KHDRBS2: variants seen among roughly 807,000 people sequenced by gnomAD.
KHDRBS2 encodes KH RNA binding domain containing, signal transduction associated 2.
KHDRBS2 carries 26 observed loss-of-function variants against 44.3 expected under a neutral mutation model. The ratio of observed to expected loss-of-function variants is 0.59; its 90% confidence interval spans 0.43 to 0.81. KHDRBS2 has a LOEUF of 0.81. Among genes scored for constraint, KHDRBS2 ranks in the 40% least tolerant of loss-of-function variants. The pLI is 0.00. For synonymous variants in KHDRBS2, 194 were observed against 151.1 expected (o/e 1.28, Z -2.08); for missense variants, 476 against 433.1 (o/e 1.10, Z -0.88).
chr6:62,143,627 A>G (rs1813314993), intron 2 of KHDRBS2, among the ~76,000 whole-genome samples: 1 of 151,848 alleles, frequency 6.6e-6, no homozygotes, highest in Non-Finnish European at 1.5e-5. Flanking sequence ...ACTTTCTTCT[A>G]TAGGACGTGA....
chr6:61,931,104 C>T (rs963553300), intron 4 of KHDRBS2, among the ~76,000 whole-genome samples: 1 of 151,692 alleles, frequency 6.6e-6, no homozygotes, highest in South Asian at 2.1e-4. Context: ...TTATATTCAT[C>T]CTTATAATGA....
intron 3 of KHDRBS2, among the ~76,000 whole-genome samples, chr6:62,046,589 A>G (rs180914231): frequency 4.6e-5 from 7 of 152,066 alleles, no homozygotes; most frequent in African/African-American, 1.4e-4. Flanking sequence ...AACAAAAACA[A>G]TATTAAAGAA....
chr6:61,549,779 G>T, the KHDRBS2 span, among the ~76,000 whole-genome samples: 5 of 152,146 alleles, frequency 3.3e-5, no homozygotes, highest in East Asian at 9.7e-4. Context: ...CACAAAAATT[G>T]GGATAGTTTT....
At chr6:61,637,658 A>C in the KHDRBS2 span, among the ~76,000 whole-genome samples, 1 of 152,108 alleles carries the variant, frequency 6.6e-6, no homozygotes, top group Non-Finnish European at 1.5e-5. Context: ...CAACAGTGTA[A>C]AAGTGTTCCT....
At chr6:61,785,579 T>TA (rs1313761969) in intron 6 of KHDRBS2, among the ~76,000 whole-genome samples, 1 of 152,046 alleles carries the variant, frequency 6.6e-6, no homozygotes, top group African/African-American at 2.4e-5. Flanking sequence ...TAAAAATTGT[T>TA]AAAAAATAAC....
chr6:61,720,014 T>C (rs531704648), intron 7 of KHDRBS2, among the ~76,000 whole-genome samples: 2 of 151,950 alleles, frequency 1.3e-5, no homozygotes, highest in East Asian at 3.9e-4. Flanking sequence ...CACCTATGAG[T>C]GAGAATATGC....
At chr6:61,912,631 T>C (rs1488525884) in intron 4 of KHDRBS2, among the ~76,000 whole-genome samples, 1 of 152,150 alleles carries the variant, frequency 6.6e-6, no homozygotes, top group Non-Finnish European at 1.5e-5. Context: ...AAGGGTGATG[T>C]GACATCTCTC....
intron 2 of KHDRBS2, among the ~76,000 whole-genome samples, chr6:62,062,375 G>C (rs999331685): frequency 2.3e-4 from 33 of 142,886 alleles, no homozygotes; most frequent in Non-Finnish European, 4.5e-4. Flanking sequence ...CACATACTTG[G>C]AAGTAAAGCT....
chr6:61,681,165 A>C, intron 8 of KHDRBS2, 105 bp from the exon 9 acceptor site: 15 of 742,256 alleles, frequency 2.0e-5, no homozygotes, highest in East Asian at 2.6e-5. Context: ...AAAAGATCTC[A>C]ACACCGAACG....
At chr6:61,614,085 G>T in the KHDRBS2 span, among the ~76,000 whole-genome samples, 2 of 152,204 alleles carry the variant, frequency 1.3e-5, no homozygotes, top group Non-Finnish European at 2.9e-5. Context: ...AACAGCACCA[G>T]TAGCTTCATT....
intron 1 of KHDRBS2, among the ~76,000 whole-genome samples, chr6:62,243,529 G>A (rs373988784): frequency 6.6e-6 from 1 of 150,714 alleles, no homozygotes; most frequent in African/African-American, 2.4e-5. Context: ...ATTATTTTAC[G>A]TGACACTTTT....
intron 6 of KHDRBS2, among the ~76,000 whole-genome samples, chr6:61,825,912 C>T (rs748345984): frequency 6.6e-6 from 1 of 152,078 alleles, no homozygotes; most frequent in African/African-American, 2.4e-5. Flanking sequence ...CAGTACCTGC[C>T]ACATACTAAG....
chr6:61,872,401 C>A (rs1178018188), intron 6 of KHDRBS2, among the ~76,000 whole-genome samples: 3 of 151,828 alleles, frequency 2.0e-5, no homozygotes, highest in Non-Finnish European at 4.4e-5. Context: ...ATAATATAAA[C>A]ACATAAGAAA....
intron 4 of KHDRBS2, among the ~76,000 whole-genome samples, chr6:61,956,358 G>T (rs1486162291): frequency 1.3e-5 from 2 of 152,000 alleles, no homozygotes; most frequent in African/African-American, 4.8e-5. Context: ...GACATCATAG[G>T]GGGTAAACTG....
intron 7 of KHDRBS2, among the ~76,000 whole-genome samples, chr6:61,725,102 A>T (rs1582421034): frequency 6.6e-6 from 1 of 152,264 alleles, no homozygotes; most frequent in South Asian, 2.1e-4. Flanking sequence ...AAATCATAAC[A>T]GTGTCTCAGA....
chr6:61,806,026 T>C (rs567013898), intron 6 of KHDRBS2, among the ~76,000 whole-genome samples: 2 of 152,324 alleles, frequency 1.3e-5, no homozygotes, highest in South Asian at 2.1e-4. Flanking sequence ...TCAGAGTCTA[T>C]GGTCTATTCA....
intron 2 of KHDRBS2, among the ~76,000 whole-genome samples, chr6:62,082,052 T>G (rs1351455382): frequency 6.6e-6 from 1 of 152,050 alleles, no homozygotes; most frequent in Admixed American, 6.6e-5. Flanking sequence ...AGAAAATAGT[T>G]GTATGCCCAA....
chr6:61,646,465 T>C, the KHDRBS2 span, among the ~76,000 whole-genome samples: 1,045 of 152,216 alleles, frequency 6.9e-3, 11 homozygotes, highest in Middle Eastern at 0.017. Context: ...TTTTGTCAGT[T>C]AAAAAAATAC....
At chr6:61,698,893 A>G (rs1318947070) in intron 7 of KHDRBS2, among the ~76,000 whole-genome samples, 2 of 152,062 alleles carry the variant, frequency 1.3e-5, no homozygotes, top group African/African-American at 2.4e-5. Flanking sequence ...CTCAAATGTC[A>G]CTTATGAGAG....
Sources: gnomAD v4.1 joint callset for allele counts (sites outside exome capture counted in the v4.1 genomes callset) on GRCh38, gnomAD v4.1.1 for gene constraint, MANE v1.5 for transcripts, NCBI Gene and HGNC (gene_info 2026-07-23, HGNC 2026-07-21) for gene names.